The following DNAJC6 variants were observed in gnomAD, a reference collection of about 807,000 sequenced individuals.
The protein encoded by DNAJC6 is DnaJ heat shock protein family (Hsp40) member C6.
A neutral mutation model predicts 110.0 loss-of-function variants in DNAJC6; 34 were observed. That is an observed-to-expected ratio of 0.31 (90% confidence interval 0.24 to 0.41). The LOEUF (loss-of-function observed/expected upper bound fraction) is 0.41. DNAJC6 is among the 10% of genes least tolerant of loss of function. The pLI, the probability that DNAJC6 is intolerant of heterozygous loss-of-function variation, is 1.00. For missense variants in DNAJC6, 1,031 were observed against 1,207.8 expected, an observed-to-expected ratio of 0.85 and a Z score of 2.17; for synonymous variants, 406 against 437.2, an observed-to-expected ratio of 0.93 and a Z score of 0.89.
At chr1:65,337,242 T>C (rs1645346235) in intron 1 of DNAJC6, among the ~76,000 whole-genome samples, 2 of 150,632 alleles carry the variant, frequency 1.3e-5, no homozygotes, top group South Asian at 4.3e-4. Flanking sequence ...GTTTCTGTTT[T>C]TTGTCATCAC....
chr1:65,309,003 GC>G (rs1645070227), upstream of DNAJC6, among the ~76,000 whole-genome samples: 1 of 152,110 alleles, frequency 6.6e-6, no homozygotes, highest in Non-Finnish European at 1.5e-5. Flanking sequence ...ATATATTCTG[GC>G]ACTTAACATG....
At chr1:65,319,158 A>G (rs1200115121) in intron 1 of DNAJC6, among the ~76,000 whole-genome samples, 4 of 152,194 alleles carry the variant, frequency 2.6e-5, no homozygotes, top group Non-Finnish European at 5.9e-5. Flanking sequence ...AGCAGGAGAG[A>G]AGGTAGTATT....
At chr1:65,287,805 T>C (rs1255600703) in intron 1 of DNAJC6, among the ~76,000 whole-genome samples, 1 of 152,060 alleles carries the variant, frequency 6.6e-6, no homozygotes, top group African/African-American at 2.4e-5. Context: ...AGTTTCACCA[T>C]GTTGCCCAGG....
At chr1:65,289,295 A>G (rs1217388653) in intron 1 of DNAJC6, among the ~76,000 whole-genome samples, 2 of 152,140 alleles carry the variant, frequency 1.3e-5, no homozygotes, top group Non-Finnish European at 2.9e-5. Flanking sequence ...TTCCAGGTTC[A>G]AGCGATTCTC....
chr1:65,403,090 C>A (rs1052629796), intron 15 of DNAJC6, among the ~76,000 whole-genome samples: 11 of 152,040 alleles, frequency 7.2e-5, no homozygotes, highest in Non-Finnish European at 1.0e-4. Context: ...GAAGGGGAAT[C>A]AAATAATAAA....
chr1:65,268,958 A>C (rs1048241422), intron 1 of DNAJC6, among the ~76,000 whole-genome samples: 1 of 152,200 alleles, frequency 6.6e-6, no homozygotes, highest in Non-Finnish European at 1.5e-5. Context: ...ATAAGAGGTC[A>C]AAGAAAATAG....
chr1:65,310,452 A>T (rs888966585), intron 1 of DNAJC6, among the ~76,000 whole-genome samples: 6 of 152,242 alleles, frequency 3.9e-5, no homozygotes, highest in Admixed American at 3.9e-4. Context: ...ATCTTAACTC[A>T]GCCGTCTGCT....
chr1:65,385,642 A>G (rs1197875219), intron 6 of DNAJC6, 70 bp from the exon 7 acceptor site: 2 of 1,318,144 alleles, frequency 1.5e-6, no homozygotes, highest in Admixed American at 2.6e-5. Flanking sequence ...AAGAATCTTC[A>G]TAGCAAATAT....
At chr1:65,388,476 C>T in intron 9 of DNAJC6, 61 bp downstream of exon 9, 4 of 1,460,416 alleles carry the variant, frequency 2.7e-6, no homozygotes, top group South Asian at 2.3e-5. Flanking sequence ...TGCTGAGGCT[C>T]AATGGCACCA....
intron 1 of DNAJC6, among the ~76,000 whole-genome samples, chr1:65,285,419 C>T (rs1557497863): frequency 6.6e-6 from 1 of 152,176 alleles, no homozygotes; most frequent in South Asian, 2.1e-4. Flanking sequence ...TATTCTTTGT[C>T]AAAGACCCTT....
Position 65,309,891 on chromosome 1 carries a change from G to A in DNAJC6, c.146G>A (p.Ser49Asn). ...QRVNAGAAAR[S>N]PARQPPDRAS... ...GTGAACGCCGGGGCAGCGGCGCGGA[G>A]TCCCGCCCGACAGCCTCCGGACCGC... is the stretch of plus-strand genomic sequence containing the variant. The change falls in exon 1 of 19, where the codon AGT (serine) becomes AAT (asparagine). Residue 49 changes from serine to asparagine, a missense_variant. Coordinates refer to ENST00000371069, the MANE Select transcript of DNAJC6 (RefSeq NM_001256864.2). 1.3e-6 allele frequency: 2 copies of A among 1,543,142 alleles called. No homozygotes were observed. Among genetic ancestry groups the A allele is most frequent in the Middle Eastern group, 3.4e-4 (2 of 5,886 alleles).
chr1:65,412,757 A>G (rs1382396148), intron 18 of DNAJC6, among the ~76,000 whole-genome samples, 167 bp from the exon 19 acceptor site: 1 of 152,078 alleles, frequency 6.6e-6, no homozygotes, highest in Non-Finnish European at 1.5e-5. Context: ...CATTATGGGG[A>G]GGTTATAGTA....
chr1:65,302,392 G>C (rs1225097706), intron 1 of DNAJC6, among the ~76,000 whole-genome samples: 1 of 148,190 alleles, frequency 6.7e-6, no homozygotes, highest in Non-Finnish European at 1.5e-5. Context: ...AGTAATAGGT[G>C]GTACCATTAA....
upstream of DNAJC6, among the ~76,000 whole-genome samples, chr1:65,305,079 A>G (rs1270293587): frequency 1.3e-5 from 2 of 152,216 alleles, no homozygotes; most frequent in African/African-American, 4.8e-5. Flanking sequence ...CTGTGCATTG[A>G]TTTATGTTTG....
intron 1 of DNAJC6, among the ~76,000 whole-genome samples, chr1:65,342,240 G>A (rs1645395589): frequency 6.6e-6 from 1 of 152,142 alleles, no homozygotes; most frequent in African/African-American, 2.4e-5. Context: ...GGGTCCTGCT[G>A]TGGGCTGAAT....
chr1:65,300,043 CA>C (rs59681451), intron 1 of DNAJC6, among the ~76,000 whole-genome samples: 124 of 112,034 alleles, frequency 1.1e-3, no homozygotes, highest in African/African-American at 3.0e-3. Flanking sequence ...AACTCCATCT[CA>C]AAAAAAAAAA....
intron 1 of DNAJC6, among the ~76,000 whole-genome samples, chr1:65,302,523 CTTTTTTTTTT>C (rs1169755787): frequency 1.2e-5 from 1 of 85,336 alleles, no homozygotes; most frequent in Non-Finnish European, 2.1e-5. Flanking sequence ...CTCTTCCTTT[CTTTTTTTTTT>C]TTTTTTTTTT....
intron 8 of DNAJC6, among the ~76,000 whole-genome samples, 189 bp from the exon 9 acceptor site, chr1:65,388,147 G>A (rs1233534123): frequency 6.6e-6 from 1 of 152,204 alleles, no homozygotes; most frequent in Non-Finnish European, 1.5e-5. Flanking sequence ...CCAAGGCAGA[G>A]TTCAAGTAGA....
chr1:65,356,763 TG>T (rs1262528613), intron 1 of DNAJC6, among the ~76,000 whole-genome samples: 2 of 151,540 alleles, frequency 1.3e-5, no homozygotes, highest in Non-Finnish European at 2.9e-5. Context: ...GGGGAGTTGG[TG>T]GGGGGAAGGA....
Sources: allele counts gnomAD v4.1 joint callset (sites outside exome capture counted in the v4.1 genomes callset), GRCh38; gene constraint gnomAD v4.1.1; transcripts MANE v1.5; gene names NCBI Gene and HGNC (gene_info 2026-07-23, HGNC 2026-07-21).